SEC62: variants seen among roughly 807,000 people sequenced by gnomAD.
SEC62 encodes the protein translocation protein SEC62.
Under a neutral mutation model 47.5 loss-of-function variants are expected in SEC62, and 10 were observed. That is an observed-to-expected ratio of 0.21 (90% CI 0.13 to 0.36). The LOEUF is 0.36. Among genes scored for constraint, SEC62 ranks in the 10% least tolerant of loss-of-function variants. The pLI is 1.00. For missense variants in SEC62, 327 were observed against 464.1 expected (o/e 0.70, Z 2.71); for synonymous variants, 136 against 150.5 (o/e 0.90, Z 0.71).
chr3:169,969,254 AAGT>A (rs1205543657), intron 1 of SEC62: 2 of 454,008 alleles, frequency 4.4e-6, no homozygotes, highest in Non-Finnish European at 8.9e-6. Flanking sequence ...TTAAAAAAAA[AAGT>A]AGCTAATTTG....
intron 3 of SEC62, among the ~76,000 whole-genome samples, chr3:169,980,202 T>C (rs1714936691): frequency 6.6e-6 from 1 of 152,076 alleles, no homozygotes; most frequent in South Asian, 2.1e-4. Flanking sequence ...GGTGAAACTA[T>C]GAAGAATGAC....
At chr3:169,975,488 C>A in intron 1 of SEC62, 120 bp from the exon 2 acceptor site, 1 of 597,066 alleles carries the variant, frequency 1.7e-6, no homozygotes, top group Non-Finnish European at 2.9e-6. Context: ...CCAGAGAAAG[C>A]TTGAAAGCAA....
At position 169,992,521 on chromosome 3, in the gene SEC62, C is replaced by T. The variant is rs929371935; in HGVS notation, c.731-73C>T. On this transcript the variant is annotated intron_variant, in intron 7 of 7. Transcript: ENST00000337002. This position sits in a 1 kb window ranked among gnomAD's most constrained non-coding sequence, Gnocchi z 4.0. Reference sequence around the variant, plus strand: ...GCAGATAATAAAACTGTTTTCCCAGCTTTTTATTAACAAATACTCCCTTCT... The same window carrying T: ...GCAGATAATAAAACTGTTTTCCCAGTTTTTTATTAACAAATACTCCCTTCT... The T allele has an allele frequency of 6.8e-6, 7 of 1,035,314 alleles. No homozygotes were observed. In the African/African-American group the frequency reaches 1.1e-4, roughly 17 times the overall value. 64.1% of individuals were successfully genotyped at this position (1,035,314 alleles called of 1,614,324 possible).
At chr3:169,972,026 C>G (rs187262684) in intron 1 of SEC62, among the ~76,000 whole-genome samples, 1 of 152,142 alleles carries the variant, frequency 6.6e-6, no homozygotes. Flanking sequence ...ATCTAAATTT[C>G]TTTCCCATTT....
chr3:169,976,530 G>C (rs1246911260), intron 2 of SEC62, among the ~76,000 whole-genome samples: 4 of 152,164 alleles, frequency 2.6e-5, no homozygotes, highest in Admixed American at 2.6e-4. Context: ...GACAGCAGTG[G>C]ATTGTTGACA....
At chr3:169,967,408 G>C (rs1176397028) in intron 1 of SEC62, among the ~76,000 whole-genome samples, 1 of 152,172 alleles carries the variant, frequency 6.6e-6, no homozygotes, top group African/African-American at 2.4e-5. Context: ...TGCTCATCCA[G>C]ATGTTCAGTT....
In SEC62 at chr3:169,996,102, CAG is replaced by C. The variant is rs1318177691; in HGVS notation, c.*3041_*3042del. 1.3e-5 allele frequency: 2 copies of C among 152,148 alleles called. No individual in the cohort carries two copies. The highest frequency in any genetic ancestry group is 4.8e-5 in the African/African-American group (2 of 41,438). 9.4% of individuals were successfully genotyped at this position (152,148 alleles called of 1,614,324 possible). ...AACATGGCCTTGTTCAACCTCAGCTCAGAATATGTGTACAGCAAGTTTTTTGC... is the reference window on the plus strand; with the variant it reads ...AACATGGCCTTGTTCAACCTCAGCTCAATATGTGTACAGCAAGTTTTTTGC... On this transcript the variant is annotated 3_prime_UTR_variant, in exon 8 of 8. Coordinates refer to ENST00000337002, the MANE Select transcript of SEC62 (RefSeq NM_003262.4).
intron 1 of SEC62, chr3:169,968,326 C>T (rs1015008250): frequency 3.3e-5 from 5 of 152,028 alleles, no homozygotes; most frequent in African/African-American, 1.2e-4. Flanking sequence ...GTTGTAAGGG[C>T]TATATAATTC....
At chr3:169,983,352 T>C (rs1490574010) in intron 5 of SEC62, 99 bp downstream of exon 5, 1 of 625,796 alleles carries the variant, frequency 1.6e-6, no homozygotes, top group East Asian at 2.9e-5. Flanking sequence ...TTGAGAAATC[T>C]AATTATGCTC....
chr3:169,996,223 C>T lies in SEC62; in HGVS notation c.*3160C>T, dbSNP rs904843466. 9.8e-5 allele frequency: 15 copies of T among 152,696 alleles called. No homozygotes were observed. The highest frequency in any genetic ancestry group is 7.7e-4 in the East Asian group (4 of 5,186). The allele number at this position is 152,696 out of a possible 1,614,324, so 9.5% of individuals were successfully genotyped here. A position where few individuals can be genotyped will look rare whatever the true frequency, so the allele number is the denominator to read the frequency against. ...ACTTAACTATATTTTAAAGCTGTGACATTTATCTACCTGGTTTATGGAATA... is the reference window on the plus strand; with the variant it reads ...ACTTAACTATATTTTAAAGCTGTGATATTTATCTACCTGGTTTATGGAATA... On this transcript the variant is annotated 3_prime_UTR_variant, in exon 8 of 8. Transcript: ENST00000337002.
rs1207957259 is a variant in SEC62 at position 169,997,421 on chromosome 3, TTTAAC to T, written c.*4361_*4365del. 1 of 151,932 alleles carries T rather than the reference TTTAAC, an allele frequency of 6.6e-6. No individual in the cohort carries two copies. The highest frequency in any genetic ancestry group is 2.4e-5 in the African/African-American group (1 of 41,174). The allele number at this position is 151,932 out of a possible 1,614,324, so 9.4% of individuals were successfully genotyped here. A position where few individuals can be genotyped will look rare whatever the true frequency, so the allele number is the denominator to read the frequency against. On this transcript the variant is annotated 3_prime_UTR_variant, in exon 8 of 8. Coordinates refer to ENST00000337002, the MANE Select transcript of SEC62 (RefSeq NM_003262.4). ...CATTTTCAATGATTTCCTAGATCAC[TTTAAC>T]TTTTTTGTGTCATGGACTCCTCAGA...
intron 1 of SEC62, chr3:169,968,669 G>A (rs1029007387): frequency 6.6e-6 from 1 of 152,162 alleles, no homozygotes; most frequent in African/African-American, 2.4e-5. Flanking sequence ...TCCTTACCCA[G>A]GATGAAGGAT....
Position 169,992,460 on chromosome 3 carries a change from G to C in SEC62, c.731-134G>C. 1.5e-6 allele frequency: 1 copy of C among 665,358 alleles called. No homozygotes were observed. 41.2% of individuals were successfully genotyped at this position (665,358 alleles called of 1,614,324 possible). A position where few individuals can be genotyped will look rare whatever the true frequency, so the allele number is the denominator to read the frequency against. On this transcript the variant is annotated intron_variant, in intron 7 of 7. Transcript: ENST00000337002. The surrounding 1 kb of genome is among the most constrained non-coding windows in gnomAD (Gnocchi z 4.0). The stretch of plus-strand genomic sequence containing the variant: ...TAGCCACCACGCCCAGCACTAATCA[G>C]GATTTAAATATTAATATTTAAGGTG...
In SEC62 at chr3:169,997,656, CAG is replaced by C. The variant is rs1204565689; in HGVS notation, c.*4594_*4595del. The C allele has an allele frequency of 6.6e-6, 1 of 152,130 alleles. No homozygotes were observed. Among genetic ancestry groups the C allele is most frequent in the Non-Finnish European group, 1.5e-5 (1 of 68,076 alleles). 9.4% of individuals were successfully genotyped at this position (152,130 alleles called of 1,614,324 possible). The stretch of plus-strand genomic sequence containing the variant: ...TAATTTTTGTATTTTTTAGTAGAGA[CAG>C]GGTTTCACCGTGTTGGCGAGACTGA... On this transcript the variant is annotated 3_prime_UTR_variant, in exon 8 of 8. Transcript: ENST00000337002.
intron 1 of SEC62, among the ~76,000 whole-genome samples, chr3:169,973,472 G>T (rs1435655651): frequency 6.6e-6 from 1 of 152,008 alleles, no homozygotes; most frequent in Non-Finnish European, 1.5e-5. Flanking sequence ...GACCAGCCTG[G>T]CTAACATGGT....
intron 1 of SEC62, among the ~76,000 whole-genome samples, chr3:169,971,211 C>G (rs1344194006): frequency 1.3e-5 from 2 of 152,008 alleles, no homozygotes; most frequent in African/African-American, 4.8e-5. Flanking sequence ...GCTGGGACTA[C>G]AAGTGTGTGC....
chr3:169,975,549 T>G, intron 1 of SEC62, 59 bp from the exon 2 acceptor site: 1 of 1,064,318 alleles, frequency 9.4e-7, no homozygotes, highest in Non-Finnish European at 1.4e-6. Context: ...TAAATTATTA[T>G]TCAGCGCATG....
In SEC62 at chr3:169,995,276, G is replaced by T. The variant is rs917472211; in HGVS notation, c.*2213G>T. On this transcript the variant is annotated 3_prime_UTR_variant, in exon 8 of 8. Transcript: ENST00000337002. ...TGATCATGTAGGGCTTATTGTAGAGGGTATCAATTGGCCTAACTAAGCAGG... is the reference window on the plus strand; with the variant it reads ...TGATCATGTAGGGCTTATTGTAGAGTGTATCAATTGGCCTAACTAAGCAGG... 6.6e-6 allele frequency: 1 copy of T among 151,950 alleles called. No individual in the cohort carries two copies. Among genetic ancestry groups the T allele is most frequent in the African/African-American group, 2.4e-5 (1 of 41,372 alleles). 9.4% of individuals were successfully genotyped at this position (151,950 alleles called of 1,614,324 possible).
chr3:169,977,155 C>A, intron 3 of SEC62, 104 bp downstream of exon 3: 1 of 649,376 alleles, frequency 1.5e-6, no homozygotes, highest in South Asian at 2.8e-5. Context: ...CAACATAACT[C>A]AAATACTGTT....
Sources: allele counts gnomAD v4.1 joint callset (sites outside exome capture counted in the v4.1 genomes callset), GRCh38; gene constraint gnomAD v4.1.1; non-coding constraint Gnocchi (gnomAD v3.1); transcripts MANE v1.5; gene names NCBI Gene and HGNC (gene_info 2026-07-23, HGNC 2026-07-21).